The following ST6GAL2 variants were observed in gnomAD, a reference collection of about 807,000 sequenced individuals.
The protein encoded by ST6GAL2 is beta-galactoside alpha-2,6-sialyltransferase 2.
Under a neutral mutation model 37.5 loss-of-function variants are expected in ST6GAL2, and 24 were observed. The ratio of observed to expected loss-of-function variants is 0.64; its 90% confidence interval spans 0.46 to 0.90. The LOEUF (loss-of-function observed/expected upper bound fraction) is 0.90, where lower values mean the gene tolerates loss of function less well. Among genes scored for constraint, ST6GAL2 ranks in the 40% least tolerant of loss-of-function variants. The pLI, the probability that ST6GAL2 is intolerant of heterozygous loss-of-function variation, is 0.00. For missense variants in ST6GAL2, 715 were observed against 712.7 expected (o/e 1.00, Z -0.04); for synonymous variants, 306 against 295.1 (o/e 1.04, Z -0.38).
Position 106,843,900 on chromosome 2 carries a change from A to G in ST6GAL2, c.78T>C (p.Ile26=). 1 of 1,603,844 alleles carries G rather than the reference A, an allele frequency of 6.2e-7. No individual in the cohort carries two copies. The highest frequency in any genetic ancestry group is 8.5e-7 in the Non-Finnish European group (1 of 1,179,016). The change falls in exon 2 of 6, where the codon ATT becomes ATC. Residue 26 remains isoleucine (I), a synonymous_variant. Transcript: ENST00000409382. The part of the protein sequence containing the change: ...IFAWGLLFLL[I]FIYFTDSNPA... ...GGTTGCTGTCGGTGAAGTAGATGAAAATCAGCAAAAAGAGGAGCCCCCAAG... is the reference window on the plus strand; with the variant it reads ...GGTTGCTGTCGGTGAAGTAGATGAAGATCAGCAAAAAGAGGAGCCCCCAAG...
intron 1 of ST6GAL2, among the ~76,000 whole-genome samples, chr2:106,848,388 G>C (rs992803972): frequency 2.0e-5 from 3 of 152,182 alleles, no homozygotes; most frequent in African/African-American, 7.2e-5. Flanking sequence ...ACCATTTCCT[G>C]GTTTCCCTGC....
chr2:106,854,822 A>G (rs188900473), intron 1 of ST6GAL2, among the ~76,000 whole-genome samples: 3 of 152,092 alleles, frequency 2.0e-5, no homozygotes, highest in African/African-American at 4.8e-5. Context: ...TTTATTGTAT[A>G]AAGTGGCTAA....
intron 4 of ST6GAL2, among the ~76,000 whole-genome samples, chr2:106,831,671 A>G (rs1676430757): frequency 1.3e-5 from 2 of 152,186 alleles, no homozygotes; most frequent in South Asian, 4.1e-4. Flanking sequence ...AAGAATTGTA[A>G]GTAATCATAT....
chr2:106,807,012 TG>T (rs1573195206), intron 5 of ST6GAL2, 63 bp from the exon 6 acceptor site: 1 of 1,440,408 alleles, frequency 6.9e-7, no homozygotes, highest in African/African-American at 1.4e-5. Flanking sequence ...ATGAGTTTTT[TG>T]GGGGAGGGGT....
intron 1 of ST6GAL2, among the ~76,000 whole-genome samples, chr2:106,859,228 C>T (rs1677704164): frequency 6.6e-6 from 1 of 152,168 alleles, no homozygotes; most frequent in Non-Finnish European, 1.5e-5. Flanking sequence ...TCCCTGTTCT[C>T]AGTGGAATGG....
chr2:106,815,492 A>T lies in ST6GAL2; in HGVS notation c.1319-8543T>A, dbSNP rs74434836. 6.3e-3 allele frequency among the ~76,000 whole-genome samples: 967 copies of T among 152,332 alleles called. 5 individuals are homozygous for T. The highest frequency in any genetic ancestry group is 0.022 in the African/African-American group (932 of 41,582). On this transcript the variant is annotated intron_variant, in intron 5 of 5. Transcript: ENST00000409382. ...GTAATTATATGATCTCTGTAATAGCAAGGAAAACAAAAGTCTATTTTCACC... is the reference window on the plus strand; with the variant it reads ...GTAATTATATGATCTCTGTAATAGCTAGGAAAACAAAAGTCTATTTTCACC...
chr2:106,812,844 C>A (rs2104420600), intron 5 of ST6GAL2, among the ~76,000 whole-genome samples: 1 of 152,226 alleles, frequency 6.6e-6, no homozygotes, highest in Non-Finnish European at 1.5e-5. Context: ...GAATACAAAT[C>A]ATCTAATAAC....
chr2:106,856,413 C>A (rs201049170), intron 1 of ST6GAL2, among the ~76,000 whole-genome samples: 50 of 152,314 alleles, frequency 3.3e-4, no homozygotes, highest in Middle Eastern at 3.4e-3. Context: ...AACTGTCCCT[C>A]AAATGGGTTT....
chr2:106,859,011 T>C (rs1055095031), intron 1 of ST6GAL2, among the ~76,000 whole-genome samples: 2 of 152,160 alleles, frequency 1.3e-5, no homozygotes, highest in African/African-American at 4.8e-5. Flanking sequence ...GTTGTAATGC[T>C]TCACAAAGCA....
At chr2:106,868,252 T>C (rs1324925287) in intron 1 of ST6GAL2, among the ~76,000 whole-genome samples, 2 of 152,142 alleles carry the variant, frequency 1.3e-5, no homozygotes, top group African/African-American at 2.4e-5. Flanking sequence ...ATTTTTTTCA[T>C]GGTTTGTTAA....
intron 5 of ST6GAL2, among the ~76,000 whole-genome samples, chr2:106,811,438 G>A (rs1675606311): frequency 6.6e-6 from 1 of 152,100 alleles, no homozygotes; most frequent in South Asian, 2.1e-4. Context: ...GAGTCTTTAA[G>A]TGCTGTTTGA....
At chr2:106,847,914 T>C (rs886447863) in intron 1 of ST6GAL2, among the ~76,000 whole-genome samples, 1 of 152,158 alleles carries the variant, frequency 6.6e-6, no homozygotes, top group African/African-American at 2.4e-5. Flanking sequence ...AGGGTTCCCA[T>C]TAGATAGGCA....
intron 2 of ST6GAL2, among the ~76,000 whole-genome samples, chr2:106,838,059 G>T (rs919949897): frequency 6.6e-6 from 1 of 152,176 alleles, no homozygotes; most frequent in African/African-American, 2.4e-5. Context: ...ACACAGACAC[G>T]TTCTGTAAAC....
Position 106,843,148 on chromosome 2 carries a change from C to A in ST6GAL2, c.830G>T (p.Arg277Leu), listed in dbSNP as rs1471254288. The part of the protein sequence containing the change: ...TEAPFSALGW[R>L]RLVPAVPLSQ... The stretch of plus-strand genomic sequence containing the variant: ...CAGGGGCACGGCGGGCACCAGGCGC[C>A]GCCAGCCCAGCGCAGAAAAGGGCGC... Residue 277 changes from arginine (R) to leucine (L), a missense_variant, in exon 2 of 6, where the codon CGG becomes CTG. Arg to Leu is a moderately radical substitution (Grantham distance 102). Around this residue, in one of 3 missense-constraint regions of ST6GAL2, gnomAD observed 512 missense variants for 488.8 expected, o/e 1.05. Transcript: ENST00000409382. 45 of 1,561,536 alleles carry A rather than the reference C, an allele frequency of 2.9e-5. No homozygotes were observed. The highest frequency in any genetic ancestry group is 4.1e-5 in the African/African-American group (3 of 72,788).
chr2:106,884,958 C>CACATA (rs1553430060), intron 1 of ST6GAL2, among the ~76,000 whole-genome samples: 5 of 120,236 alleles, frequency 4.2e-5, no homozygotes, highest in South Asian at 5.5e-4. Flanking sequence ...CACATATATA[C>CACATA]ATATGTGTAT....
At position 106,835,298 on chromosome 2, in the gene ST6GAL2, TC is replaced by T. The variant is rs550589278; in HGVS notation, c.944-1153del. Among the ~76,000 whole-genome samples, 556 of 152,254 alleles carry T rather than the reference TC, an allele frequency of 3.7e-3. 2 individuals are homozygous for T. The highest frequency in any genetic ancestry group is 0.013 in the African/African-American group (538 of 41,544). ...TGCCCAAGGGGAGCTGCATTTATAG[TC>T]CCCGAGCCCGCACAAGTGCCTAAGG... On this transcript the variant is annotated intron_variant, in intron 2 of 5. Coordinates refer to ENST00000409382, the MANE Select transcript of ST6GAL2 (RefSeq NM_001142351.2).
intron 1 of ST6GAL2, among the ~76,000 whole-genome samples, chr2:106,864,297 C>T (rs1226436163): frequency 1.3e-5 from 2 of 152,196 alleles, no homozygotes; most frequent in South Asian, 2.1e-4. Context: ...CTTAAGCCTC[C>T]TGCTCTGATG....
At chr2:106,841,418 G>A (rs1676878772) in intron 2 of ST6GAL2, among the ~76,000 whole-genome samples, 2 of 152,326 alleles carry the variant, frequency 1.3e-5, no homozygotes, top group South Asian at 2.1e-4. Context: ...TACAGGACAT[G>A]ATTGTTTTAT....
At chr2:106,823,442 A>AACACACACACACACACACACAC (rs60795605) in intron 5 of ST6GAL2, among the ~76,000 whole-genome samples, 144 of 101,420 alleles carry the variant, frequency 1.4e-3, no homozygotes, top group East Asian at 3.6e-3. Flanking sequence ...CCCAGCAGAA[A>AACACACACACACACACACACAC]ACACACACAC....
Sources: gnomAD v4.1 joint callset for allele counts (sites outside exome capture counted in the v4.1 genomes callset) on GRCh38, gnomAD v4.1.1 for gene constraint, gnomAD v4.1.1 regional missense constraint, MANE v1.5 for transcripts, NCBI Gene and HGNC (gene_info 2026-07-23, HGNC 2026-07-21) for gene names.